The following FHIT variants were observed in gnomAD, a reference collection of about 807,000 sequenced individuals.
FHIT encodes fragile histidine triad diadenosine triphosphatase, also known as bis(5'-adenosyl)-triphosphatase.
Under a neutral mutation model 17.9 loss-of-function variants are expected in FHIT, and 19 were observed. That is an observed-to-expected ratio of 1.06 (90% CI 0.74 to 1.56). The LOEUF is 1.56. Among genes scored for constraint, FHIT ranks in the 40% most tolerant of loss-of-function variants. The probability of loss-of-function intolerance (pLI) is 0.00; values close to 1 mark genes in which losing one functional copy is unlikely to be tolerated. For synonymous variants in FHIT, 81 were observed against 69.7 expected, an observed-to-expected ratio of 1.16 and a Z score of -0.81; for missense variants, 248 against 189.2, an observed-to-expected ratio of 1.31 and a Z score of -1.82.
At chr3:60,544,739 G>A (rs368108977) in intron 4 of FHIT, among the ~76,000 whole-genome samples, 1 of 151,734 alleles carries the variant, frequency 6.6e-6, no homozygotes, top group African/African-American at 2.4e-5. Flanking sequence ...TGGGATTGCA[G>A]GCACCCACCA....
intron 1 of FHIT, among the ~76,000 whole-genome samples, chr3:61,218,188 A>G (rs2039739305): frequency 6.6e-6 from 1 of 152,182 alleles, no homozygotes; most frequent in Non-Finnish European, 1.5e-5. Context: ...TAGAAAGACA[A>G]AAGGGCCTAG....
intron 5 of FHIT, among the ~76,000 whole-genome samples, chr3:60,509,928 CT>C (rs1227015636): frequency 2.0e-4 from 30 of 152,166 alleles, no homozygotes; most frequent in Non-Finnish European, 3.4e-4. Flanking sequence ...CCGTCTCAAC[CT>C]TTGCCAACAT....
At chr3:60,124,685 T>G (rs9871341) in intron 5 of FHIT, among the ~76,000 whole-genome samples, 1 of 151,874 alleles carries the variant, frequency 6.6e-6, no homozygotes, top group African/African-American at 2.4e-5. Flanking sequence ...AAATAAGCTT[T>G]ATGCACCCAT....
intron 4 of FHIT, among the ~76,000 whole-genome samples, chr3:60,739,683 A>C (rs1048136666): frequency 6.6e-6 from 1 of 152,198 alleles, no homozygotes; most frequent in Non-Finnish European, 1.5e-5. Flanking sequence ...AAAAGTCTCC[A>C]GACATTGCCA....
intron 8 of FHIT, among the ~76,000 whole-genome samples, chr3:59,885,393 C>T (rs1391401796): frequency 6.6e-6 from 1 of 151,704 alleles, no homozygotes; most frequent in East Asian, 1.9e-4. Context: ...CAAAAATGCC[C>T]TCAGAAACAG....
intron 4 of FHIT, among the ~76,000 whole-genome samples, chr3:60,573,224 A>G (rs559841533): frequency 2.0e-5 from 3 of 152,168 alleles, no homozygotes; most frequent in South Asian, 2.1e-4. Context: ...GGCACTGTCC[A>G]TAACTGTGTG....
chr3:60,196,461 T>C (rs72886347), intron 5 of FHIT, among the ~76,000 whole-genome samples: 2,032 of 152,274 alleles, frequency 0.013, 41 homozygotes, highest in African/African-American at 0.046. Flanking sequence ...TGTGAATACA[T>C]TGGACCTACC....
Position 60,359,107 on chromosome 3 carries a change from A to G in FHIT, c.103+177753T>C, listed in dbSNP as rs187246651. Among the ~76,000 whole-genome samples the G allele has an allele frequency of 1.9e-3, 289 of 152,182 alleles. 1 individual carries two copies. The highest frequency in any genetic ancestry group is 3.6e-3 in the Non-Finnish European group (244 of 68,008). On this transcript the variant is annotated intron_variant, in intron 5 of 9. Coordinates refer to ENST00000492590, the MANE Select transcript of FHIT (RefSeq NM_002012.4). The stretch of plus-strand genomic sequence containing the variant: ...CAGAAGTGTGAGCCAAATCACATGC[A>G]TTATACCACAGTACAAAGAAACCTT...
intron 7 of FHIT, among the ~76,000 whole-genome samples, chr3:59,980,810 A>G (rs1708621136): frequency 6.6e-6 from 1 of 152,164 alleles, no homozygotes; most frequent in South Asian, 2.1e-4. Context: ...CAAGAATGTG[A>G]GAAAAAAATG....
chr3:60,627,649 G>A (rs1175709030), intron 4 of FHIT, among the ~76,000 whole-genome samples: 7 of 152,022 alleles, frequency 4.6e-5, no homozygotes, highest in African/African-American at 9.7e-5. Context: ...TCAGCTTCCC[G>A]AGTAGCTGGG....
intron 4 of FHIT, among the ~76,000 whole-genome samples, chr3:60,598,658 C>T (rs1553667598): frequency 1.3e-5 from 2 of 152,178 alleles, no homozygotes; most frequent in East Asian, 1.9e-4. Context: ...CACCAAAAAA[C>T]AGTCAAATTT....
At chr3:61,228,582 C>T (rs565779747) in intron 1 of FHIT, among the ~76,000 whole-genome samples, 1 of 152,234 alleles carries the variant, frequency 6.6e-6, no homozygotes, top group East Asian at 1.9e-4. Flanking sequence ...ATTAATCTGC[C>T]TTGTATCAAT....
intron 3 of FHIT, among the ~76,000 whole-genome samples, chr3:60,839,360 T>C (rs981002968): frequency 3.9e-5 from 6 of 152,138 alleles, no homozygotes; most frequent in Non-Finnish European, 8.8e-5. Context: ...CACTCCATTT[T>C]ACACACACTC....
At chr3:60,467,381 TG>T (rs2032857187) in intron 5 of FHIT, among the ~76,000 whole-genome samples, 1 of 152,018 alleles carries the variant, frequency 6.6e-6, no homozygotes, top group Non-Finnish European at 1.5e-5. Context: ...CTACTAATTT[TG>T]GGTCTGGTTT....
chr3:60,072,037 G>C (rs1181857387), intron 5 of FHIT, among the ~76,000 whole-genome samples: 3 of 151,998 alleles, frequency 2.0e-5, no homozygotes, highest in Non-Finnish European at 4.4e-5. Context: ...CAAGTCTCAG[G>C]TTTGTCTTTA....
At chr3:60,356,820 T>C (rs1426982685) in intron 5 of FHIT, among the ~76,000 whole-genome samples, 1 of 113,978 alleles carries the variant, frequency 8.8e-6, no homozygotes, top group African/African-American at 3.7e-5. Context: ...AAACTTGGAA[T>C]AATAATTCTA....
intron 5 of FHIT, among the ~76,000 whole-genome samples, chr3:60,150,706 T>C (rs781387538): frequency 1.6e-4 from 24 of 152,118 alleles, no homozygotes; most frequent in Non-Finnish European, 3.2e-4. Flanking sequence ...CCGCCTGAGC[T>C]CAGGAGTTCG....
chr3:60,736,131 AAGAT>A (rs2042128244), intron 4 of FHIT, among the ~76,000 whole-genome samples: 1 of 152,210 alleles, frequency 6.6e-6, no homozygotes, highest in Non-Finnish European at 1.5e-5. Context: ...TATGATCAAA[AAGAT>A]AGACAATAAC....
At chr3:60,076,823 T>C (rs1000434528) in intron 5 of FHIT, among the ~76,000 whole-genome samples, 1 of 151,848 alleles carries the variant, frequency 6.6e-6, no homozygotes, top group African/African-American at 2.4e-5. Context: ...CCAAACACTA[T>C]GTTTTATTCC....
Sources: gnomAD v4.1 joint callset for allele counts (sites outside exome capture counted in the v4.1 genomes callset) on GRCh38, gnomAD v4.1.1 for gene constraint, MANE v1.5 for transcripts, NCBI Gene and HGNC (gene_info 2026-07-23, HGNC 2026-07-21) for gene names.